The following KANK3 variants were observed in gnomAD, a reference collection of about 807,000 sequenced individuals.
The protein encoded by KANK3 is KN motif and ankyrin repeat domains 3.
Under a neutral mutation model 65.4 loss-of-function variants are expected in KANK3, and 61 were observed. The observed-to-expected ratio is 0.93, with a 90% CI of 0.76 to 1.15. The LOEUF is 1.15. Among genes scored for constraint, KANK3 ranks in the 50% most tolerant of loss-of-function variants. The pLI, the probability that KANK3 is intolerant of heterozygous loss-of-function variation, is 0.00. For missense variants in KANK3, 1,187 were observed against 1,178.8 expected (o/e 1.01, Z -0.10); for synonymous variants, 586 against 543.3 (o/e 1.08, Z -1.09).
intron 2 of KANK3, among the ~76,000 whole-genome samples, chr19:8,336,477 C>T (rs932163772): frequency 1.3e-5 from 2 of 151,116 alleles, no homozygotes; most frequent in Non-Finnish European, 2.9e-5. Context: ...GTGGCTCACG[C>T]CTCTATCTCA....
At chr19:8,331,645 G>A (rs1243042701) in intron 7 of KANK3, among the ~76,000 whole-genome samples, 1 of 152,154 alleles carries the variant, frequency 6.6e-6, no homozygotes, top group Non-Finnish European at 1.5e-5. Flanking sequence ...AGCAGCTGGA[G>A]GTGGGTGGGG....
intron 7 of KANK3, among the ~76,000 whole-genome samples, chr19:8,332,441 G>C (rs893778080): frequency 6.6e-6 from 1 of 151,342 alleles, no homozygotes; most frequent in East Asian, 2.0e-4. Context: ...GCCTCCCAAA[G>C]TGCTGGGGTT....
intron 1 of KANK3, among the ~76,000 whole-genome samples, chr19:8,338,273 C>T (rs1457509922): frequency 6.6e-6 from 1 of 151,724 alleles, no homozygotes; most frequent in African/African-American, 2.4e-5. Context: ...CCGCCTGCCT[C>T]GACCTCCCAA....
chr19:8,333,807 A>T lies in KANK3; in HGVS notation c.1636T>A (p.Cys546Ser), dbSNP rs1379672363. The change falls in exon 6 of 11, where the codon TGC becomes AGC. Residue 546 changes from cysteine to serine, a missense_variant and splice_region_variant. By Grantham distance (112) the Cys-to-Ser change is moderately radical (BLOSUM62 -1). Coordinates refer to ENST00000330915, the MANE Select transcript of KANK3 (RefSeq NM_198471.3). The surrounding 1 kb of genome is among the most constrained non-coding windows in gnomAD (Gnocchi z 5.0). Reference protein sequence around the residue: ...AEPQQVAQGRCELSPRLREAC... With the variant: ...AEPQQVAQGRSELSPRLREAC... ...TCCCTCAGACGCGGGCTCAGCTCGCACCTGCAGAGGAGGCCAGGAGAGACT... is the reference window on the plus strand; with the variant it reads ...TCCCTCAGACGCGGGCTCAGCTCGCTCCTGCAGAGGAGGCCAGGAGAGACT... 1.9e-6 allele frequency: 3 copies of T among 1,540,388 alleles called. No individual in the cohort carries two copies. Among genetic ancestry groups the T allele is most frequent in the Non-Finnish European group, 2.6e-6 (3 of 1,141,634 alleles).
chr19:8,340,508 A>G (rs1447114085), intron 1 of KANK3, among the ~76,000 whole-genome samples: 2 of 151,944 alleles, frequency 1.3e-5, no homozygotes, highest in African/African-American at 4.8e-5. Context: ...TTACCTGTCC[A>G]GTCCTCCACT....
In KANK3 at chr19:8,333,189, G is replaced by A. The variant is rs778908952; in HGVS notation, c.1761C>T (p.Ser587=). 4.3e-6 allele frequency: 7 copies of A among 1,612,594 alleles called. No homozygotes were observed. Among genetic ancestry groups the A allele is most frequent in the Non-Finnish European group, 5.9e-6 (7 of 1,179,832 alleles). The change falls in exon 7 of 11, where the codon TCC becomes TCT. Residue 587 remains serine, a synonymous_variant. Coordinates refer to ENST00000330915, the MANE Select transcript of KANK3 (RefSeq NM_198471.3). This position sits in a 1 kb window ranked among gnomAD's most constrained non-coding sequence, Gnocchi z 5.0. ...GCTCCGCCTGAGAGCGCCGCTGGCT[G>A]GACACTCGAAACCACTCCTGGGCCA... is the stretch of plus-strand genomic sequence containing the variant. The part of the protein sequence containing the change: ...RLVAQEWFRV[S]SQRRSQAEPV...
chr19:8,323,850 C>T (rs764441656), intron 10 of KANK3, among the ~76,000 whole-genome samples: 10 of 152,196 alleles, frequency 6.6e-5, no homozygotes, highest in Non-Finnish European at 1.5e-4. Flanking sequence ...TGGCACTTGG[C>T]CATCAGAGTA....
chr19:8,325,738 C>T (rs1366559987), intron 7 of KANK3, among the ~76,000 whole-genome samples: 1 of 152,150 alleles, frequency 6.6e-6, no homozygotes, highest in Admixed American at 6.5e-5. Flanking sequence ...CACCACCCGC[C>T]AAGCCACCAT....
At chr19:8,342,372 G>T (rs1449530044) in intron 1 of KANK3, among the ~76,000 whole-genome samples, 1 of 152,156 alleles carries the variant, frequency 6.6e-6, no homozygotes, top group Admixed American at 6.5e-5. Flanking sequence ...TGCGGCTTCA[G>T]GGGCTGGGGC....
At chr19:8,339,688 A>T (rs1384731934) in intron 1 of KANK3, among the ~76,000 whole-genome samples, 1 of 152,072 alleles carries the variant, frequency 6.6e-6, no homozygotes, top group East Asian at 1.9e-4. Context: ...TTGTTTTTAA[A>T]TAGTGAAACC....
chr19:8,322,819 A>T lies in KANK3; in HGVS notation c.*20T>A. On this transcript the variant is annotated 3_prime_UTR_variant, in exon 11 of 11. Transcript: ENST00000330915. ...AGGAGATCTCCCCACAGCTAGGTGT[A>T]GTGAGCCAGACGAGGCAGCTTACTG... 1 of 1,579,140 alleles carries T rather than the reference A, an allele frequency of 6.3e-7. No homozygotes were observed.
chr19:8,337,816 C>A lies in KANK3; in HGVS notation c.13G>T (p.Ala5Ser), dbSNP rs1325032230. 6.2e-7 allele frequency: 1 copy of A among 1,613,454 alleles called. No homozygotes were observed. Among genetic ancestry groups the A allele is most frequent in the Admixed American group, 1.7e-5 (1 of 59,988 alleles). The change falls in exon 2 of 11, where the codon GCC (alanine) becomes TCC (serine). Residue 5 changes from alanine to serine, a missense_variant. Physicochemically the swap from Ala to Ser is moderately conservative, Grantham distance 99. Around this residue, in one of 3 missense-constraint regions of KANK3, gnomAD observed 104 missense variants for 122.1 expected, o/e 0.85. Coordinates refer to ENST00000330915, the MANE Select transcript of KANK3 (RefSeq NM_198471.3). ...TCACCGGGCAGGTTCTGATTCAGGG[C>A]AAACTTGGCCATGTTTCCTGCAGCA... MAKF[A>S]LNQNLPDLGG...
Position 8,324,450 on chromosome 19 carries a change from TGGGTGTCG to T in KANK3, c.2373_2380del (p.Asp792GlufsTer14). 1 of 1,598,478 alleles carries T rather than the reference TGGGTGTCG, an allele frequency of 6.3e-7. No homozygotes were observed. The highest frequency in any genetic ancestry group is 8.5e-7 in the Non-Finnish European group (1 of 1,172,504). Reference sequence around the variant, plus strand: ...TGTTTCTTCCAGAGCTGTGCTCACCTGGGTGTCGGGCTGGCCCGAGCTCAGGTGGGCAT... The same window carrying T: ...TGTTTCTTCCAGAGCTGTGCTCACCTGGCTGGCCCGAGCTCAGGTGGGCAT... On this transcript the variant is annotated frameshift_variant and splice_region_variant, in exon 10 of 11. Coordinates refer to ENST00000330915, the MANE Select transcript of KANK3 (RefSeq NM_198471.3). LOFTEE classifies it low-confidence loss of function (END_TRUNC).
In KANK3 at chr19:8,322,898, T is replaced by G. The variant is rs534666921; in HGVS notation, c.2407A>C (p.Thr803Pro). Residue 803 changes from threonine to proline, a missense_variant, in exon 11 of 11, where the codon ACA (threonine) becomes CCA (proline). This residue lies in a region of KANK3 where 1,078 missense variants were observed against 1,038.2 expected (regional missense o/e 1.04). Coordinates refer to ENST00000330915, the MANE Select transcript of KANK3 (RefSeq NM_198471.3). ...TQSESPPGSQ[T>P]ATPGEGECGD... ...CATTCTCCTTCACCAGGTGTGGCTG[T>G]CTGGGAGCCAGGGGGTGACTCGCTC... 3 of 1,555,784 alleles carry G rather than the reference T, an allele frequency of 1.9e-6. No individual in the cohort carries two copies. The highest frequency in any genetic ancestry group is 2.3e-5 in the East Asian group (1 of 42,558).
At position 8,338,115 on chromosome 19, in the gene KANK3, G is replaced by A. The variant is rs531349961; in HGVS notation, c.-28-259C>T. ...CGGCTCATTGCAGCCTCCCCCTCCC[G>A]GGTTCAAGTGAATCTCCTGCCTCAG... is the stretch of plus-strand genomic sequence containing the variant. On this transcript the variant is annotated intron_variant, in intron 1 of 10. Coordinates refer to ENST00000330915, the MANE Select transcript of KANK3 (RefSeq NM_198471.3). 10 of 304,934 alleles carry A rather than the reference G, an allele frequency of 3.3e-5. No homozygotes were observed. The South Asian group carries it at 4.0e-4, about 12-fold the overall frequency. The allele number at this position is 304,934 out of a possible 1,614,324, so 18.9% of individuals were successfully genotyped here.
chr19:8,327,375 T>C (rs553106418), intron 7 of KANK3, among the ~76,000 whole-genome samples: 11 of 151,910 alleles, frequency 7.2e-5, no homozygotes, highest in Non-Finnish European at 1.3e-4. Context: ...CTCACGTCTG[T>C]AATCCCAGCA....
At position 8,334,562 on chromosome 19, in the gene KANK3, G is replaced by A. The variant is rs746798805; in HGVS notation, c.1265C>T (p.Pro422Leu). ...AAQTESPAEA[P>L]SLTQESSPGS... ...GGGCGAGCTCTCCTGAGTCAAGGAG[G>A]GCGCCTCTGCCGGGGACTCGGTCTG... The change falls in exon 3 of 11, where the codon CCC (proline) becomes CTC (leucine). Residue 422 changes from proline to leucine, a missense_variant. Transcript: ENST00000330915. The A allele has an allele frequency of 4.4e-6, 7 of 1,599,604 alleles. No homozygotes were observed. Among genetic ancestry groups the A allele is most frequent in the Non-Finnish European group, 5.9e-6 (7 of 1,178,920 alleles).
At position 8,335,800 on chromosome 19, in the gene KANK3, C is replaced by A; in HGVS notation, c.35-8G>T. 8.1e-7 allele frequency: 1 copy of A among 1,232,060 alleles called. No homozygotes were observed. Among genetic ancestry groups the A allele is most frequent in the Non-Finnish European group, 1.0e-6 (1 of 985,874 alleles). 76.3% of individuals were successfully genotyped at this position (1,232,060 alleles called of 1,614,324 possible). On this transcript the variant is annotated splice_region_variant and splice_polypyrimidine_tract_variant and intron_variant, in intron 2 of 10. Transcript: ENST00000330915. ...GGCGGGGGCCGCCCAGGTCTGGAGG[C>A]ACGACGGGGGCACGGGGAGGGCGCA...
intron 3 of KANK3, 24 bp from the exon 4 acceptor site, chr19:8,334,443 C>T (rs1362358661): frequency 1.2e-6 from 2 of 1,612,800 alleles, no homozygotes; most frequent in Non-Finnish European, 1.7e-6. Flanking sequence ...GATGAGGGCA[C>T]TGAGTTCGAG....
Sources: allele counts gnomAD v4.1 joint callset (sites outside exome capture counted in the v4.1 genomes callset), GRCh38; gene constraint gnomAD v4.1.1; regional missense constraint gnomAD v4.1.1; non-coding constraint Gnocchi (gnomAD v3.1); transcripts MANE v1.5; gene names NCBI Gene and HGNC (gene_info 2026-07-23, HGNC 2026-07-21).